Variants in GALNTL6 observed in about 807,000 individuals in gnomAD.
GALNTL6 encodes the protein polypeptide N-acetylgalactosaminyltransferase-like 6.
A neutral mutation model predicts 73.7 loss-of-function variants in GALNTL6; 46 were observed. The ratio of observed to expected loss-of-function variants is 0.62; its 90% CI spans 0.49 to 0.80. GALNTL6 has a LOEUF of 0.80. GALNTL6 is among the 30% of genes least tolerant of loss of function. The probability of loss-of-function intolerance (pLI) is 0.00; values close to 1 mark genes in which losing one functional copy is unlikely to be tolerated. For missense variants in GALNTL6, 604 were observed against 755.0 expected, an observed-to-expected ratio of 0.80 and a Z score of 2.34; for synonymous variants, 259 against 263.7, an observed-to-expected ratio of 0.98 and a Z score of 0.17.
intron 5 of GALNTL6, among the ~76,000 whole-genome samples, chr4:172,612,180 A>G (rs1355272897): frequency 6.6e-6 from 1 of 152,078 alleles, no homozygotes; most frequent in Non-Finnish European, 1.5e-5. Context: ...AAGAATTTTT[A>G]AAGTTGGGGG....
intron 5 of GALNTL6, among the ~76,000 whole-genome samples, chr4:172,701,187 T>C (rs1734007807): frequency 6.6e-6 from 1 of 152,100 alleles, no homozygotes; most frequent in Admixed American, 6.6e-5. Context: ...TTTTCAGTAG[T>C]GTGGAGTTTT....
intron 5 of GALNTL6, among the ~76,000 whole-genome samples, chr4:172,429,175 A>ATTATTTTATTTAATT (rs1554023235): frequency 1.5e-3 from 20 of 13,304 alleles, no homozygotes; most frequent in Non-Finnish European, 4.1e-3. Flanking sequence ...ATTTTGTTTT[A>ATTATTTTATTTAATT]TTATTTTATT....
chr4:172,015,369 G>T (rs1305507586), intron 2 of GALNTL6, among the ~76,000 whole-genome samples: 1 of 151,988 alleles, frequency 6.6e-6, no homozygotes, highest in African/African-American at 2.4e-5. Flanking sequence ...AGCTACTCGT[G>T]CTTGCTTTTG....
At chr4:172,963,382 C>T (rs945809473) in intron 10 of GALNTL6, among the ~76,000 whole-genome samples, 2 of 152,158 alleles carry the variant, frequency 1.3e-5, no homozygotes, top group African/African-American at 4.8e-5. Context: ...TATTTTTCTC[C>T]CTAGCATCCA....
chr4:173,036,584 G>T (rs1274068739), intron 12 of GALNTL6, among the ~76,000 whole-genome samples: 4 of 152,078 alleles, frequency 2.6e-5, no homozygotes, highest in Admixed American at 1.3e-4. Flanking sequence ...ATTTTCTCAG[G>T]CAAAACAAAA....
intron 5 of GALNTL6, among the ~76,000 whole-genome samples, chr4:172,403,573 T>C (rs1255050051): frequency 1.3e-5 from 2 of 152,042 alleles, no homozygotes; most frequent in Non-Finnish European, 2.9e-5. Context: ...TTCATTACAC[T>C]ACAATAAAAC....
chr4:172,343,576 G>A (rs1046109656), intron 4 of GALNTL6, among the ~76,000 whole-genome samples: 6 of 152,028 alleles, frequency 3.9e-5, no homozygotes, highest in Admixed American at 3.9e-4. Context: ...ATAAATTAGT[G>A]TAACCATGAA....
intron 3 of GALNTL6, among the ~76,000 whole-genome samples, chr4:172,292,525 A>T (rs1382979369): frequency 2.0e-5 from 3 of 152,146 alleles, no homozygotes; most frequent in African/African-American, 4.8e-5. Flanking sequence ...GAATTCCATG[A>T]GTGGAGCATG....
At chr4:172,081,467 G>A (rs576421596) in intron 2 of GALNTL6, among the ~76,000 whole-genome samples, 5 of 152,216 alleles carry the variant, frequency 3.3e-5, no homozygotes, top group South Asian at 2.1e-4. Context: ...GTGAAACCCC[G>A]TCTCTACTAA....
At chr4:172,872,758 T>G (rs1460519800) in intron 7 of GALNTL6, among the ~76,000 whole-genome samples, 2 of 152,240 alleles carry the variant, frequency 1.3e-5, no homozygotes, top group African/African-American at 4.8e-5. Context: ...TAATGTTAGC[T>G]TGATCTTTTC....
chr4:172,825,784 G>T (rs984871039), intron 7 of GALNTL6, among the ~76,000 whole-genome samples: 3 of 152,190 alleles, frequency 2.0e-5, no homozygotes, highest in Admixed American at 2.0e-4. Flanking sequence ...GTAGCTGAGA[G>T]AACTGGGATT....
intron 7 of GALNTL6, among the ~76,000 whole-genome samples, chr4:172,853,859 A>G (rs1012283587): frequency 4.6e-5 from 7 of 152,168 alleles, no homozygotes; most frequent in Non-Finnish European, 1.0e-4. Context: ...TTGGCAAAGT[A>G]ATTTAGACTC....
At chr4:173,007,516 T>C (rs1561082681) in intron 10 of GALNTL6, among the ~76,000 whole-genome samples, 1 of 152,114 alleles carries the variant, frequency 6.6e-6, no homozygotes, top group Non-Finnish European at 1.5e-5. Flanking sequence ...CAGGAAGATA[T>C]GATGGAAGGG....
rs73870109 is a variant in GALNTL6, at chr4:172,002,117, A to G, written c.138+187399A>G. 8.3e-3 allele frequency among the ~76,000 whole-genome samples: 1,266 copies of G among 152,300 alleles called. 14 individuals are homozygous for G. Among genetic ancestry groups the G allele is most frequent in the African/African-American group, 0.029 (1,211 of 41,576 alleles). ...TCCAAAGAAAATCTGATTATATATC[A>G]TCTTGCCAACTTCAACAGGTAGGCC... On this transcript the variant is annotated intron_variant, in intron 2 of 12. Coordinates refer to ENST00000506823, the MANE Select transcript of GALNTL6 (RefSeq NM_001034845.3).
At chr4:171,941,900 A>G (rs1273177307) in intron 2 of GALNTL6, among the ~76,000 whole-genome samples, 5 of 152,194 alleles carry the variant, frequency 3.3e-5, no homozygotes, top group Non-Finnish European at 7.3e-5. Flanking sequence ...CATTCAGAAG[A>G]AAGAAGTTAA....
chr4:171,943,658 T>C (rs567324050), intron 2 of GALNTL6, among the ~76,000 whole-genome samples: 1 of 152,300 alleles, frequency 6.6e-6, no homozygotes, highest in Admixed American at 6.5e-5. Context: ...CTTGATTTCA[T>C]CTGAATCCCC....
At chr4:172,825,056 C>T (rs112499786) in intron 7 of GALNTL6, among the ~76,000 whole-genome samples, 267 of 118,256 alleles carry the variant, frequency 2.3e-3, no homozygotes, top group African/African-American at 4.2e-3. Context: ...ATTCTTTTTT[C>T]TTTTTTTTTT....
intron 2 of GALNTL6, among the ~76,000 whole-genome samples, chr4:171,938,768 T>C (rs2111008773): frequency 6.6e-6 from 1 of 152,258 alleles, no homozygotes; most frequent in Non-Finnish European, 1.5e-5. Context: ...GAATTTCCTA[T>C]TTTGCAAAGC....
chr4:172,434,237 G>A lies in GALNTL6; in HGVS notation c.553+85548G>A, dbSNP rs568904925. 3.3e-5 allele frequency among the ~76,000 whole-genome samples: 5 copies of A among 152,030 alleles called. No individual in the cohort carries two copies. The South Asian group carries it at 6.2e-4, about 19-fold the overall frequency. Reference sequence around the variant, plus strand: ...AGAGAGTTCTTGTATAACTTGTCTTGTTATACAAGACATATTTGGATATTC... The same window carrying A: ...AGAGAGTTCTTGTATAACTTGTCTTATTATACAAGACATATTTGGATATTC... On this transcript the variant is annotated intron_variant, in intron 5 of 12. Transcript: ENST00000506823.
Sources: gnomAD v4.1 joint callset for allele counts (sites outside exome capture counted in the v4.1 genomes callset) on GRCh38, gnomAD v4.1.1 for gene constraint, MANE v1.5 for transcripts, NCBI Gene and HGNC (gene_info 2026-07-23, HGNC 2026-07-21) for gene names.